The following TERT variants were observed in gnomAD, a reference collection of about 807,000 sequenced individuals.
The protein encoded by TERT is telomerase reverse transcriptase.
TERT carries 42 observed loss-of-function variants against 104.0 expected under a neutral mutation model. The ratio of observed to expected loss-of-function variants is 0.40; its 90% CI spans 0.32 to 0.52. The LOEUF (loss-of-function observed/expected upper bound fraction) is 0.52, where lower values mean the gene tolerates loss of function less well. Among genes scored for constraint, TERT ranks in the 20% least tolerant of loss-of-function variants. The pLI is 0.43. For synonymous variants in TERT, 781 were observed against 725.6 expected (o/e 1.08, Z -1.23); for missense variants, 1,101 against 1,610.3 (o/e 0.68, Z 5.41).
intron 2 of TERT, among the ~76,000 whole-genome samples, chr5:1,289,650 C>T (rs71575535): frequency 1.9e-5 from 2 of 106,186 alleles, no homozygotes; most frequent in Admixed American, 9.1e-5. Flanking sequence ...TCACCCTGCA[C>T]GTGACAGGGA....
In TERT at chr5:1,255,357, G is replaced by A. The variant is rs1365632438; in HGVS notation, c.3087C>T (p.Pro1029=). ...LPFHQQVWKN[P]TFFLRVISDT... ...CAGAGATGACGCGCAGGAAAAATGT[G>A]GGGTTCTTCCAAACTTGCTGATGAA... The change falls in exon 14 of 16, where the codon CCC becomes CCT. Residue 1029 remains proline, a synonymous_variant. Coordinates refer to ENST00000310581, the MANE Select transcript of TERT (RefSeq NM_198253.3). This position sits in a 1 kb window ranked among gnomAD's most constrained non-coding sequence, Gnocchi z 6.9. 1 of 1,614,226 alleles carries A rather than the reference G, an allele frequency of 6.2e-7. No homozygotes were observed. The highest frequency in any genetic ancestry group is 2.2e-5 in the East Asian group (1 of 44,878).
Position 1,286,694 on chromosome 5 carries a change from A to G in TERT, c.1574-4070T>C, listed in dbSNP as rs1356601508. On this transcript the variant is annotated intron_variant, in intron 2 of 15. Transcript: ENST00000310581. This position sits in a 1 kb window ranked among gnomAD's most constrained non-coding sequence, Gnocchi z 5.3. ...GGAGTTTGAGACCAGCCTGGCCAAC[A>G]TGGTGAAAGCCTATCTCTACTAAAA... is the stretch of plus-strand genomic sequence containing the variant. 1.3e-5 allele frequency among the ~76,000 whole-genome samples: 2 copies of G among 152,162 alleles called. No homozygotes were observed. The highest frequency in any genetic ancestry group is 2.9e-5 in the Non-Finnish European group (2 of 68,030).
chr5:1,294,941 G>A lies in TERT; in HGVS notation c.49C>T (p.His17Tyr), dbSNP rs1348895488. 2.8e-6 allele frequency: 4 copies of A among 1,413,002 alleles called. No individual in the cohort carries two copies. The highest frequency in any genetic ancestry group is 1.5e-5 in the African/African-American group (1 of 66,702). 87.5% of individuals were successfully genotyped at this position (1,413,002 alleles called of 1,614,324 possible). Residue 17 changes from histidine to tyrosine, a missense_variant, in exon 1 of 16, where the codon CAC becomes TAC. Around this residue, in one of 5 missense-constraint regions of TERT, gnomAD observed 87 missense variants for 145.4 expected, o/e 0.60. Transcript: ENST00000310581. Reference sequence around the variant, plus strand: ...GCCAGCGGCAGCACCTCGCGGTAGTGGCTGCGCAGCAGGGAGCGCACGGCT... The same window carrying A: ...GCCAGCGGCAGCACCTCGCGGTAGTAGCTGCGCAGCAGGGAGCGCACGGCT... ...CRAVRSLLRS[H>Y]YREVLPLATF...
Position 1,264,436 on chromosome 5 carries a change from G to A in TERT, c.2811C>T (p.Thr937=). ...LFPWCGLLLD[T]RTLEVQSDYS... is the part of the protein sequence containing the mutation. ...AGTCGCTCTGCACCTCCAGGGTCCG[G>A]GTATCCAGCAGCAGGCCGCACCAGG... is the stretch of plus-strand genomic sequence containing the variant. Residue 937 remains threonine (T), a synonymous_variant, in exon 11 of 16, where the codon ACC becomes ACT. Coordinates refer to ENST00000310581, the MANE Select transcript of TERT (RefSeq NM_198253.3). 1 of 1,613,518 alleles carries A rather than the reference G, an allele frequency of 6.2e-7. No individual in the cohort carries two copies. Among genetic ancestry groups the A allele is most frequent in the Non-Finnish European group, 8.5e-7 (1 of 1,179,988 alleles).
chr5:1,293,323 G>T lies in TERT; in HGVS notation c.1563C>A (p.Arg521=), dbSNP rs764171875. 2 of 1,613,006 alleles carry T rather than the reference G, an allele frequency of 1.2e-6. No individual in the cohort carries two copies. The highest frequency in any genetic ancestry group is 2.2e-5 in the South Asian group (2 of 91,072). The change falls in exon 2 of 16, where the codon CGC becomes CGA. Residue 521 remains arginine, a synonymous_variant. Coordinates refer to ENST00000310581, the MANE Select transcript of TERT (RefSeq NM_198253.3). ...CCACCACCTCCTCACCTGGGCTCCTGCGCAGCCAAGCGCAGTCCCGCACGC... is the reference window on the plus strand; with the variant it reads ...CCACCACCTCCTCACCTGGGCTCCTTCGCAGCCAAGCGCAGTCCCGCACGC... ...KMSVRDCAWL[R]RSPGVGCVPA...
chr5:1,292,588 C>T lies in TERT; in HGVS notation c.1573+725G>A, dbSNP rs1236694814. ...AGTACAATGGCACAATCTCAGCTCA[C>T]TGCAGCCTCCGCCTCCTGGGTTCAA... On this transcript the variant is annotated intron_variant, in intron 2 of 15. Transcript: ENST00000310581. This position sits in a 1 kb window ranked among gnomAD's most constrained non-coding sequence, Gnocchi z 5.5. Among the ~76,000 whole-genome samples the T allele has an allele frequency of 2.6e-5, 4 of 152,166 alleles. No homozygotes were observed. The highest frequency in any genetic ancestry group is 4.8e-5 in the African/African-American group (2 of 41,426).
chr5:1,272,085 C>G, intron 7 of TERT, 100 bp downstream of exon 7: 2 of 1,056,772 alleles, frequency 1.9e-6, no homozygotes, highest in Admixed American at 4.0e-5. Context: ...CCCACTGCCC[C>G]CCAGGGCCAA....
intron 15 of TERT, 53 bp downstream of exon 15, chr5:1,254,315 C>G (rs1747553892): frequency 6.2e-7 from 1 of 1,612,002 alleles, no homozygotes; most frequent in Non-Finnish European, 8.5e-7. Context: ...ACAGGGCGTT[C>G]AAGGATGACC....
intron 3 of TERT, among the ~76,000 whole-genome samples, chr5:1,280,994 C>T (rs1749985380): frequency 6.6e-6 from 1 of 152,196 alleles, no homozygotes; most frequent in Non-Finnish European, 1.5e-5. Flanking sequence ...GCCCTGACCG[C>T]AGGCCGCAGG....
chr5:1,272,041 A>C (rs1749075052), intron 7 of TERT, 144 bp downstream of exon 7: 2 of 771,684 alleles, frequency 2.6e-6, no homozygotes, highest in Admixed American at 4.0e-5. Context: ...GCCAAGGCAC[A>C]CAGCTCATCA....
intron 2 of TERT, among the ~76,000 whole-genome samples, chr5:1,283,639 GCAGGGCC>G (rs1750232317): frequency 7.2e-6 from 1 of 139,064 alleles, no homozygotes. Context: ...CCAGCTCACA[GCAGGGCC>G]TGGCGACCTC....
In TERT at chr5:1,261,654, A is replaced by G. The variant is rs1490498089; in HGVS notation, c.2844-1054T>C. 6.6e-6 allele frequency among the ~76,000 whole-genome samples: 1 copy of G among 152,192 alleles called. No individual in the cohort carries two copies. The highest frequency in any genetic ancestry group is 6.5e-5 in the Admixed American group (1 of 15,286). On this transcript the variant is annotated intron_variant, in intron 11 of 15. Transcript: ENST00000310581. This position sits in a 1 kb window ranked among gnomAD's most constrained non-coding sequence, Gnocchi z 7.4. Reference sequence around the variant, plus strand: ...AGGGATGGGTCTCGCTGTCAGTTTCACATGCATTTCTTTGACGCTGCTGGT... The same window carrying G: ...AGGGATGGGTCTCGCTGTCAGTTTCGCATGCATTTCTTTGACGCTGCTGGT...
intron 6 of TERT, among the ~76,000 whole-genome samples, chr5:1,275,446 G>A (rs935846748): frequency 2.0e-5 from 3 of 151,728 alleles, no homozygotes; most frequent in Admixed American, 1.3e-4. Context: ...TTCCAAGGAC[G>A]GAGCGTAGCC....
intron 3 of TERT, among the ~76,000 whole-genome samples, chr5:1,282,070 A>C (rs1750057439): frequency 6.6e-6 from 1 of 151,830 alleles, no homozygotes; most frequent in East Asian, 1.9e-4. Context: ...CCTGGGCAAC[A>C]GAGTGAGACT....
intron 12 of TERT, among the ~76,000 whole-genome samples, chr5:1,259,410 AG>A (rs1190831981): frequency 3.3e-5 from 3 of 89,654 alleles, no homozygotes; most frequent in Admixed American, 1.2e-4. Context: ...CGCCCACAGG[AG>A]GGGGGAGTGG....
chr5:1,277,263 T>C (rs995324737), intron 6 of TERT, among the ~76,000 whole-genome samples: 2 of 152,190 alleles, frequency 1.3e-5, no homozygotes, highest in Admixed American at 6.5e-5. Context: ...AGCACGTCTG[T>C]GACCCAGCAA....
At position 1,282,614 on chromosome 5, in the gene TERT, A is replaced by C. The variant is rs1750104851; in HGVS notation, c.1584T>G (p.Cys528Trp). 2 of 1,614,026 alleles carry C rather than the reference A, an allele frequency of 1.2e-6. No homozygotes were observed. Among genetic ancestry groups the C allele is most frequent in the Non-Finnish European group, 1.7e-6 (2 of 1,180,006 alleles). ...AWLRRSPGVG[C>W]VPAAEHRLRE... ...GCAGACGGTGCTCTGCGGCCGGAAC[A>C]CAGCCAACCCCTTAAACGAGAAGGA... The change falls in exon 3 of 16, where the codon TGT becomes TGG. Residue 528 changes from cysteine (C) to tryptophan (W), a missense_variant. Transcript: ENST00000310581.
rs7724028 is a variant in TERT at position 1,277,861 on chromosome 5, T to C, written c.2286+780A>G. Reference sequence around the variant, plus strand: ...AGCTCCAGGGATACTTCTTCACCTCTGCACCCCGGCCTGGCACGACTTTGA... The same window carrying C: ...AGCTCCAGGGATACTTCTTCACCTCCGCACCCCGGCCTGGCACGACTTTGA... On this transcript the variant is annotated intron_variant, in intron 6 of 15. Coordinates refer to ENST00000310581, the MANE Select transcript of TERT (RefSeq NM_198253.3). 4.7e-3 allele frequency among the ~76,000 whole-genome samples: 720 copies of C among 152,268 alleles called. 7 individuals carry two copies. Among genetic ancestry groups the C allele is most frequent in the African/African-American group, 0.016 (650 of 41,518 alleles).
rs1042447238 is a variant in TERT, at chr5:1,253,823, G to T, written c.3304C>A (p.Gln1102Lys). The change falls in exon 16 of 16, where the codon CAG (glutamine) becomes AAG (lysine). Residue 1102 changes from glutamine to lysine, a missense_variant. Physicochemically the swap from Gln to Lys is moderately conservative, Grantham distance 53. Transcript: ENST00000310581. ...LLGSLRTAQT[Q>K]LSRKLPGTTL... ...GTCCCCGGGAGCTTCCGACTCAGCT[G>T]CGTCTGGGCTGCGGGGCCAAAATCA... 67 of 1,609,542 alleles carry T rather than the reference G, an allele frequency of 4.2e-5. No homozygotes were observed. Among genetic ancestry groups the T allele is most frequent in the African/African-American group, 6.7e-5 (5 of 74,922 alleles).
Sources: gnomAD v4.1 joint callset for allele counts (sites outside exome capture counted in the v4.1 genomes callset) on GRCh38, gnomAD v4.1.1 for gene constraint, gnomAD v4.1.1 regional missense constraint, Gnocchi (gnomAD v3.1) non-coding constraint, MANE v1.5 for transcripts, NCBI Gene and HGNC (gene_info 2026-07-23, HGNC 2026-07-21) for gene names.